COPA: variants seen among roughly 807,000 people sequenced by gnomAD.
COPA encodes the protein coatomer subunit alpha.
A neutral mutation model predicts 158.7 loss-of-function variants in COPA; 10 were observed. That is an observed-to-expected ratio of 0.06 (90% CI 0.04 to 0.11). The LOEUF (loss-of-function observed/expected upper bound fraction) is 0.11. Among genes scored for constraint, COPA ranks in the 10% least tolerant of loss-of-function variants. The pLI, the probability that COPA is intolerant of heterozygous loss-of-function variation, is 1.00. For missense variants in COPA, 1,065 were observed against 1,536.7 expected (o/e 0.69, Z 5.13); for synonymous variants, 462 against 542.8 (o/e 0.85, Z 2.07).
chr1:160,310,130 G>A (rs953389972), intron 12 of COPA, 62 bp downstream of exon 12: 47 of 1,016,440 alleles, frequency 4.6e-5, no homozygotes, highest in Admixed American at 1.1e-4. Flanking sequence ...ATTCCCTAAG[G>A]GCATAAGAAA....
Position 160,293,436 on chromosome 1 carries a change from C to A in COPA, c.2704G>T (p.Ala902Ser). 6.2e-7 allele frequency: 1 copy of A among 1,608,670 alleles called. No individual in the cohort carries two copies. The highest frequency in any genetic ancestry group is 8.5e-7 in the Non-Finnish European group (1 of 1,178,334). ...LDISPGAAGG[A>S]EDGFFVPPTK... ...GGGGGCACAAAGAAACCATCTTCAGCCCCACCAGCTGCCCCAGGGGATATA... is the reference window on the plus strand; with the variant it reads ...GGGGGCACAAAGAAACCATCTTCAGACCCACCAGCTGCCCCAGGGGATATA... Residue 902 changes from alanine (A) to serine (S), a missense_variant, in exon 26 of 33, where the codon GCT becomes TCT. Transcript: ENST00000241704.
At position 160,297,339 on chromosome 1, in the gene COPA, T is replaced by C. The variant is rs774007795; in HGVS notation, c.2263+4A>G. 4.3e-6 allele frequency: 7 copies of C among 1,613,862 alleles called. No homozygotes were observed. The highest frequency in any genetic ancestry group is 5.9e-6 in the Non-Finnish European group (7 of 1,179,744). On this transcript the variant is annotated splice_donor_region_variant and intron_variant, in intron 21 of 32. Transcript: ENST00000241704. Reference sequence around the variant, plus strand: ...GAAAAAGCTGGCAAGTCTCGGATACTTACTCTGTCCACAGTTCTTCAGGAT... The same window carrying C: ...GAAAAAGCTGGCAAGTCTCGGATACCTACTCTGTCCACAGTTCTTCAGGAT...
chr1:160,292,319 A>G, intron 28 of COPA, 121 bp from the exon 29 acceptor site: 1 of 1,547,406 alleles, frequency 6.5e-7, no homozygotes, highest in Non-Finnish European at 8.8e-7. Flanking sequence ...GCTGGGGAAG[A>G]GGATGACAGC....
At chr1:160,342,742 AG>A (rs1648141359) in intron 1 of COPA, among the ~76,000 whole-genome samples, 1 of 152,174 alleles carries the variant, frequency 6.6e-6, no homozygotes, top group African/African-American at 2.4e-5. Flanking sequence ...CTCGGGTGCG[AG>A]TAACAGAGAT....
intron 25 of COPA, among the ~76,000 whole-genome samples, chr1:160,293,892 G>T (rs1286745946): frequency 4.6e-5 from 7 of 152,180 alleles, no homozygotes; most frequent in African/African-American, 1.7e-4. Context: ...AGGAAGAGGG[G>T]TGATAGTTGT....
At chr1:160,337,228 T>A (rs950196467) in intron 3 of COPA, among the ~76,000 whole-genome samples, 11 of 152,324 alleles carry the variant, frequency 7.2e-5, no homozygotes, top group Admixed American at 2.0e-4. Flanking sequence ...CCTTAAAAAC[T>A]TATAGGGGTT....
chr1:160,301,158 T>A (rs1658587036), intron 17 of COPA, among the ~76,000 whole-genome samples: 3 of 151,208 alleles, frequency 2.0e-5, no homozygotes, highest in Non-Finnish European at 1.5e-5. Context: ...TCAAAAAAAA[T>A]AAAAAATAAA....
intron 8 of COPA, among the ~76,000 whole-genome samples, chr1:160,318,473 A>AAAC (rs1571169674): frequency 2.4e-5 from 2 of 82,732 alleles, no homozygotes; most frequent in East Asian, 2.8e-4. Context: ...ATTTGTAAAA[A>AAAC]AAAAAAAAAA....
At chr1:160,294,886 G>C (rs370723863) in intron 23 of COPA, 29 bp from the exon 24 acceptor site, 2 of 1,600,310 alleles carry the variant, frequency 1.2e-6, no homozygotes, top group Non-Finnish European at 1.7e-6. Flanking sequence ...GAACGGAACT[G>C]GTTATAGTCC....
intron 31 of COPA, among the ~76,000 whole-genome samples, 153 bp from the exon 32 acceptor site, chr1:160,290,839 G>GT (rs1354246714): frequency 2.0e-5 from 3 of 152,166 alleles, no homozygotes; most frequent in Admixed American, 2.0e-4. Context: ...TATGTGAAGG[G>GT]TTAACAATCA....
intron 21 of COPA, 75 bp from the exon 22 acceptor site, chr1:160,296,224 G>T: frequency 1.6e-6 from 2 of 1,257,444 alleles, no homozygotes; most frequent in Non-Finnish European, 2.3e-6. Context: ...CCTCTGAAAT[G>T]GCCCCCCAGT....
rs746504023 is a variant in COPA, at chr1:160,295,748, T to A, written c.2464A>T (p.Ile822Phe). 1 of 1,606,602 alleles carries A rather than the reference T, an allele frequency of 6.2e-7. No homozygotes were observed. The highest frequency in any genetic ancestry group is 1.7e-5 in the Admixed American group (1 of 57,596). ...AATAGGTACTTACCTTTGCTGGCAA[T>A]GGTGCCTTCAAAAAATCCTTTGGAT... ...TVSKGFFEGTIASKGKGGALA... is the reference protein window; with the variant it reads ...TVSKGFFEGTFASKGKGGALA... The change falls in exon 23 of 33, where the codon ATT becomes TTT. Residue 822 changes from isoleucine to phenylalanine, a missense_variant. Physicochemically the swap from Ile to Phe is conservative, Grantham distance 21. Coordinates refer to ENST00000241704, the MANE Select transcript of COPA (RefSeq NM_004371.4).
intron 26 of COPA, 60 bp from the exon 27 acceptor site, chr1:160,293,294 T>G (rs1458046149): frequency 1.9e-6 from 3 of 1,611,710 alleles, no homozygotes; most frequent in Non-Finnish European, 2.5e-6. Context: ...TATTCTCCTC[T>G]GTAACTATAG....
At chr1:160,313,249 C>A in intron 9 of COPA, 82 bp from the exon 10 acceptor site, 1 of 1,235,718 alleles carries the variant, frequency 8.1e-7, no homozygotes, top group Non-Finnish European at 1.2e-6. Context: ...AAATGGTAAG[C>A]CAGCAAGCTG....
intron 8 of COPA, chr1:160,317,335 G>A (rs759155227): frequency 2.2e-5 from 31 of 1,441,688 alleles, no homozygotes; most frequent in South Asian, 1.1e-4. Context: ...TGTAAACCCC[G>A]GAGTGAGGTT....
At chr1:160,305,151 G>A (rs1051603387) in intron 17 of COPA, 7 of 252,414 alleles carry the variant, frequency 2.8e-5, no homozygotes, top group South Asian at 1.9e-4. Flanking sequence ...CTGGGGTGCC[G>A]GAACTGTTCT....
rs867858880 is a variant in COPA at position 160,292,544 on chromosome 1, C to T, written c.2900G>A (p.Arg967His). Reference sequence around the variant, plus strand: ...GCAGGGCAGAGCCTGATAGGTTGTGCGGCCTCGGGCGTATGTCTGTAGGAA... The same window carrying T: ...GCAGGGCAGAGCCTGATAGGTTGTGTGGCCTCGGGCGTATGTCTGTAGGAA... ...QLFLQTYARG[R>H]TTYQALPCLP... is the part of the protein sequence containing the mutation. Residue 967 changes from arginine (R) to histidine (H), a missense_variant, in exon 28 of 33, where the codon CGC (arginine) becomes CAC (histidine). Transcript: ENST00000241704. 1.7e-5 allele frequency: 27 copies of T among 1,613,776 alleles called. No homozygotes were observed. The highest frequency in any genetic ancestry group is 2.2e-5 in the South Asian group (2 of 91,068).
intron 8 of COPA, among the ~76,000 whole-genome samples, chr1:160,321,334 C>T (rs1659325311): frequency 6.6e-6 from 1 of 152,126 alleles, no homozygotes; most frequent in Admixed American, 6.5e-5. Context: ...CACTAGAAGT[C>T]CTGGCCAGGT....
chr1:160,315,210 A>G (rs1370975255), intron 8 of COPA, among the ~76,000 whole-genome samples: 1 of 152,204 alleles, frequency 6.6e-6, no homozygotes, highest in Non-Finnish European at 1.5e-5. Context: ...AGTGAGACTG[A>G]GGAGGTCAAC....
Sources: gnomAD v4.1 joint callset for allele counts (sites outside exome capture counted in the v4.1 genomes callset) on GRCh38, gnomAD v4.1.1 for gene constraint, MANE v1.5 for transcripts, NCBI Gene and HGNC (gene_info 2026-07-23, HGNC 2026-07-21) for gene names.